PRKCZ: variants seen among roughly 807,000 people sequenced by gnomAD.
PRKCZ encodes the protein protein kinase C zeta type.
In PRKCZ, 33 loss-of-function variants were observed where a neutral mutation model predicts 79.5. The ratio of observed to expected loss-of-function variants is 0.41; its 90% confidence interval spans 0.31 to 0.55. PRKCZ has a LOEUF of 0.55. PRKCZ is among the 20% of genes least tolerant of loss of function. The pLI, the probability that PRKCZ is intolerant of heterozygous loss-of-function variation, is 0.19. For synonymous variants in PRKCZ, 342 were observed against 320.9 expected, an observed-to-expected ratio of 1.07 and a Z score of -0.70; for missense variants, 578 against 813.5, an observed-to-expected ratio of 0.71 and a Z score of 3.52.
chr1:2,070,829 G>A (rs1661511791), intron 4 of PRKCZ, among the ~76,000 whole-genome samples: 1 of 152,036 alleles, frequency 6.6e-6, no homozygotes, highest in South Asian at 2.1e-4. Context: ...GGGCCAGGAA[G>A]GGGAAGGGGC....
intron 4 of PRKCZ, among the ~76,000 whole-genome samples, chr1:2,067,217 T>C (rs1037766385): frequency 6.6e-6 from 1 of 152,226 alleles, no homozygotes; most frequent in African/African-American, 2.4e-5. Context: ...ACGTCCCGTG[T>C]GCGTTGAGGG....
At chr1:2,051,881 C>T (rs1358117440) in intron 1 of PRKCZ, among the ~76,000 whole-genome samples, 1 of 152,138 alleles carries the variant, frequency 6.6e-6, no homozygotes, top group Non-Finnish European at 1.5e-5. Flanking sequence ...TCTGCAGCTC[C>T]CCTGTGGCAA....
chr1:2,130,061 C>G (rs1362509946), intron 4 of PRKCZ, among the ~76,000 whole-genome samples: 2 of 152,138 alleles, frequency 1.3e-5, no homozygotes, highest in African/African-American at 2.4e-5. Context: ...CGCCACCACA[C>G]TCGGCTCATT....
chr1:2,155,209 C>T (rs1047596258), intron 9 of PRKCZ, among the ~76,000 whole-genome samples: 3 of 149,386 alleles, frequency 2.0e-5, no homozygotes, highest in African/African-American at 2.5e-5. Context: ...TTGATGATGG[C>T]GGTGATGATG....
At chr1:2,053,985 C>T (rs975326073) in intron 1 of PRKCZ, among the ~76,000 whole-genome samples, 4 of 152,100 alleles carry the variant, frequency 2.6e-5, no homozygotes, top group Non-Finnish European at 5.9e-5. Context: ...GGGCGTCTGT[C>T]CCCCAGGCCC....
intron 4 of PRKCZ, 107 bp from the exon 5 acceptor site, chr1:2,135,152 GGAC>G (rs1675918386): frequency 9.2e-6 from 8 of 871,432 alleles, no homozygotes; most frequent in Admixed American, 2.6e-5. Flanking sequence ...CTGCCTGGGA[GGAC>G]GCTGCGGCCG....
At chr1:2,105,357 G>A (rs369732242) in intron 4 of PRKCZ, among the ~76,000 whole-genome samples, 11 of 152,344 alleles carry the variant, frequency 7.2e-5, no homozygotes, top group African/African-American at 2.6e-4. Context: ...CCATCCGGGA[G>A]TAGAAGTAAG....
At chr1:2,136,155 T>G (rs963658788) in intron 5 of PRKCZ, among the ~76,000 whole-genome samples, 5 of 152,186 alleles carry the variant, frequency 3.3e-5, no homozygotes, top group Admixed American at 6.5e-5. Flanking sequence ...GGCACCTCTG[T>G]CTCCTGGAGC....
intron 4 of PRKCZ, among the ~76,000 whole-genome samples, chr1:2,119,179 C>T (rs1432827328): frequency 6.6e-6 from 1 of 150,514 alleles, no homozygotes; most frequent in East Asian, 1.9e-4. Context: ...CCATTTTCTT[C>T]AAAACCTTAT....
At chr1:2,182,544 G>A (rs1268320885) in intron 16 of PRKCZ, 4 of 154,860 alleles carry the variant, frequency 2.6e-5, no homozygotes, top group East Asian at 3.9e-4. Flanking sequence ...GAGGGAAGGC[G>A]GCTGCTGGGT....
intron 4 of PRKCZ, among the ~76,000 whole-genome samples, chr1:2,104,010 C>T (rs1312495412): frequency 6.6e-6 from 1 of 152,236 alleles, no homozygotes; most frequent in Non-Finnish European, 1.5e-5. Flanking sequence ...CAGATGACAG[C>T]ACCGCACGCA....
At chr1:2,096,689 A>G (rs1571339357) in intron 4 of PRKCZ, among the ~76,000 whole-genome samples, 1 of 151,942 alleles carries the variant, frequency 6.6e-6, no homozygotes, top group South Asian at 2.1e-4. Flanking sequence ...CAAGGCGGTG[A>G]ATGTGGAGCT....
At chr1:2,139,106 A>T (rs968971046) in intron 5 of PRKCZ, among the ~76,000 whole-genome samples, 1 of 152,220 alleles carries the variant, frequency 6.6e-6, no homozygotes, top group Admixed American at 6.5e-5. Context: ...AGATCCAGAC[A>T]TCTCACACTT....
chr1:2,108,949 G>A (rs6683011), intron 4 of PRKCZ, among the ~76,000 whole-genome samples: 116,709 of 152,070 alleles, frequency 0.77, 47,515 homozygotes, highest in Non-Finnish European at 0.88. Context: ...CGCCTTCTCC[G>A]GCGTCTGAAG....
intron 4 of PRKCZ, among the ~76,000 whole-genome samples, chr1:2,088,744 C>T (rs1443496922): frequency 1.3e-5 from 2 of 152,172 alleles, no homozygotes; most frequent in Non-Finnish European, 2.9e-5. Flanking sequence ...CAGGCGGCGG[C>T]GTCTCTTCAC....
intron 9 of PRKCZ, among the ~76,000 whole-genome samples, chr1:2,152,296 G>T (rs1019768141): frequency 2.6e-5 from 4 of 152,134 alleles, no homozygotes; most frequent in Non-Finnish European, 4.4e-5. Context: ...ACTTTGGGAG[G>T]CTGAGACAGG....
At chr1:2,169,853 G>A (rs1174591548) in intron 11 of PRKCZ, among the ~76,000 whole-genome samples, 1 of 151,618 alleles carries the variant, frequency 6.6e-6, no homozygotes, top group Admixed American at 6.6e-5. Context: ...GGGTCAGCAG[G>A]GAGCTCAAGG....
intron 2 of PRKCZ, 26 bp downstream of exon 2, chr1:2,055,588 A>C (rs549188713): frequency 6.2e-7 from 1 of 1,605,856 alleles, no homozygotes; most frequent in East Asian, 2.2e-5. Context: ...TGTTGGCCAG[A>C]ATCCTCAGCC....
At chr1:2,101,171 G>A (rs1330521464) in intron 4 of PRKCZ, among the ~76,000 whole-genome samples, 1 of 152,150 alleles carries the variant, frequency 6.6e-6, no homozygotes, top group Non-Finnish European at 1.5e-5. Context: ...TCTGACAACT[G>A]GAGACTTTAT....
Sources: gnomAD v4.1 joint callset for allele counts (sites outside exome capture counted in the v4.1 genomes callset) on GRCh38, gnomAD v4.1.1 for gene constraint, MANE v1.5 for transcripts, NCBI Gene and HGNC (gene_info 2026-07-23, HGNC 2026-07-21) for gene names.